IL1RAPL1: variants seen among roughly 807,000 people sequenced by gnomAD.
IL1RAPL1 encodes interleukin 1 receptor accessory protein like 1.
In IL1RAPL1, 3 loss-of-function variants were observed where a neutral mutation model predicts 48.4. The ratio of observed to expected loss-of-function variants is 0.06; its 90% CI spans 0.03 to 0.16. The LOEUF (loss-of-function observed/expected upper bound fraction) is 0.16, where lower values mean the gene tolerates loss of function less well. IL1RAPL1 is among the 10% of genes least tolerant of loss of function. The pLI is 1.00. For synonymous variants in IL1RAPL1, 185 were observed against 187.7 expected (o/e 0.99, Z 0.12); for missense variants, 349 against 530.6 (o/e 0.66, Z 3.36).
chrX:29,761,531 G>A (rs757013570), intron 6 of IL1RAPL1, among the ~76,000 whole-genome samples: 102 of 111,926 alleles, frequency 9.1e-4, no homozygotes, highest in African/African-American at 2.5e-3. Context: ...CAGAACTATT[G>A]TTATAACTTA....
At position 28,632,842 on chromosome X, in the gene IL1RAPL1, A is replaced by G. The variant is rs763187313; in HGVS notation, c.-25+44795A>G. ...TATCTGCAACTATAGCCAACTTGTT[A>G]TGATACCTCATGAAATGTAACCTCT... On this transcript the variant is annotated intron_variant, in intron 1 of 10. Coordinates refer to ENST00000378993, the MANE Select transcript of IL1RAPL1 (RefSeq NM_014271.4). Among the ~76,000 whole-genome samples the G allele has an allele frequency of 1.9e-3, 198 of 106,047 alleles. 1 individual carries two copies. Among genetic ancestry groups the G allele is most frequent in the Middle Eastern group, 4.8e-3 (1 of 207 alleles). 92.1% of individuals were successfully genotyped at this position (106,047 alleles called of 115,157 possible). A position where few individuals can be genotyped will look rare whatever the true frequency, so the allele number is the denominator to read the frequency against.
intron 1 of IL1RAPL1, among the ~76,000 whole-genome samples, chrX:28,710,593 G>T (rs1057287576): frequency 9.0e-6 from 1 of 110,591 alleles, no homozygotes; most frequent in Non-Finnish European, 1.9e-5. Context: ...TTATTGTGGG[G>T]TCTGGATTAT....
At chrX:29,228,177 T>G in intron 2 of IL1RAPL1, among the ~76,000 whole-genome samples, 1 of 43,729 alleles carries the variant, frequency 2.3e-5, no homozygotes, top group South Asian at 1.7e-3. Flanking sequence ...GACACACGCG[T>G]GCACACACAC....
At chrX:29,725,974 G>A (rs1217389645) in intron 6 of IL1RAPL1, among the ~76,000 whole-genome samples, 2 of 111,868 alleles carry the variant, frequency 1.8e-5, no homozygotes, top group South Asian at 3.7e-4. Context: ...AAACACACAC[G>A]CAGTACTGGT....
intron 1 of IL1RAPL1, among the ~76,000 whole-genome samples, chrX:28,690,721 C>T (rs1935167770): frequency 9.0e-6 from 1 of 111,596 alleles, no homozygotes; most frequent in Non-Finnish European, 1.9e-5. Flanking sequence ...CTCCCTCCCT[C>T]ATGCATTTTG....
intron 1 of IL1RAPL1, among the ~76,000 whole-genome samples, chrX:28,744,838 C>G: frequency 9.0e-6 from 1 of 111,278 alleles, no homozygotes; most frequent in Non-Finnish European, 1.9e-5. Context: ...TCAGTAAAGT[C>G]CTCTTTGGGT....
chrX:28,723,165 A>G (rs537745835), intron 1 of IL1RAPL1, among the ~76,000 whole-genome samples: 7 of 111,307 alleles, frequency 6.3e-5, no homozygotes, highest in African/African-American at 2.0e-4. Flanking sequence ...TTCAGAAGGT[A>G]TGGTTCCATC....
chrX:29,228,174 G>A (rs1317071817), intron 2 of IL1RAPL1, among the ~76,000 whole-genome samples: 1 of 68,582 alleles, frequency 1.5e-5, no homozygotes, highest in African/African-American at 7.8e-5. Context: ...CCGGACACAC[G>A]CGTGCACACA....
chrX:28,946,417 T>C (rs187088952), intron 2 of IL1RAPL1, among the ~76,000 whole-genome samples: 98 of 111,111 alleles, frequency 8.8e-4, no homozygotes, highest in Non-Finnish European at 1.0e-3. Flanking sequence ...TTATTAGGTA[T>C]ATAATTATAG....
At chrX:29,206,495 G>A (rs1930669164) in intron 2 of IL1RAPL1, among the ~76,000 whole-genome samples, 1 of 110,947 alleles carries the variant, frequency 9.0e-6, no homozygotes, top group Non-Finnish European at 1.9e-5. Context: ...GCTAATCTTG[G>A]GGTCAGAGAA....
chrX:29,057,402 G>T (rs771755236), intron 2 of IL1RAPL1, among the ~76,000 whole-genome samples: 1 of 100,277 alleles, frequency 1.0e-5, no homozygotes, highest in East Asian at 3.3e-4. Context: ...AGCAGATCAT[G>T]TTTGTTTGGC....
chrX:29,839,862 A>G, intron 6 of IL1RAPL1, among the ~76,000 whole-genome samples: 1 of 112,362 alleles, frequency 8.9e-6, no homozygotes, highest in Admixed American at 9.4e-5. Flanking sequence ...TCAAGGTTGC[A>G]GTGAGTTGTG....
At chrX:28,731,432 A>G (rs1244966232) in intron 1 of IL1RAPL1, among the ~76,000 whole-genome samples, 1 of 111,759 alleles carries the variant, frequency 8.9e-6, no homozygotes, top group African/African-American at 3.3e-5. Flanking sequence ...CCCCACTTTG[A>G]TGGTGAAATC....
intron 5 of IL1RAPL1, among the ~76,000 whole-genome samples, chrX:29,408,087 A>G (rs980865877): frequency 9.0e-6 from 1 of 111,708 alleles, no homozygotes; most frequent in Non-Finnish European, 1.9e-5. Context: ...GAATGTGGGT[A>G]TGGGGAAAAC....
chrX:29,543,113 G>GTT (rs1256689712), intron 5 of IL1RAPL1, among the ~76,000 whole-genome samples: 3 of 62,503 alleles, frequency 4.8e-5, no homozygotes, highest in Non-Finnish European at 2.8e-5. Flanking sequence ...CAATCTGTTC[G>GTT]TTTCTCTCTC....
intron 3 of IL1RAPL1, among the ~76,000 whole-genome samples, chrX:29,286,546 T>C (rs1240939363): frequency 9.1e-6 from 1 of 110,262 alleles, no homozygotes; most frequent in Non-Finnish European, 1.9e-5. Context: ...AAAATTAGCC[T>C]GGTGTGGTGG....
chrX:29,548,242 G>A, intron 5 of IL1RAPL1, among the ~76,000 whole-genome samples: 1 of 112,466 alleles, frequency 8.9e-6, no homozygotes, highest in Non-Finnish European at 1.9e-5. Flanking sequence ...TATGCTGCAG[G>A]TTTTATGCTG....
chrX:29,316,913 A>G (rs1240929735), intron 3 of IL1RAPL1, among the ~76,000 whole-genome samples: 1 of 111,037 alleles, frequency 9.0e-6, no homozygotes, highest in East Asian at 2.8e-4. Context: ...TTACAATAAC[A>G]TTAATGCTAG....
intron 2 of IL1RAPL1, among the ~76,000 whole-genome samples, chrX:28,888,179 A>T (rs1922687195): frequency 9.1e-6 from 1 of 109,866 alleles, no homozygotes; most frequent in Non-Finnish European, 1.9e-5. Flanking sequence ...TCTGGATTCA[A>T]TCATGATGAA....
Sources: gnomAD v4.1 joint callset for allele counts (sites outside exome capture counted in the v4.1 genomes callset) on GRCh38, gnomAD v4.1.1 for gene constraint, MANE v1.5 for transcripts, NCBI Gene and HGNC (gene_info 2026-07-23, HGNC 2026-07-21) for gene names.